BANK1: variants seen among roughly 807,000 people sequenced by gnomAD.
BANK1 encodes the protein B-cell scaffold protein with ankyrin repeats.
A neutral mutation model predicts 94.5 loss-of-function variants in BANK1; 95 were observed. The observed-to-expected ratio is 1.00, with a 90% CI of 0.85 to 1.19. The LOEUF (loss-of-function observed/expected upper bound fraction) is 1.19. BANK1 is among the 50% of genes most tolerant of loss of function. BANK1 has a pLI of 0.00. For synonymous variants in BANK1, 334 were observed against 308.4 expected (o/e 1.08, Z -0.87); for missense variants, 987 against 932.2 (o/e 1.06, Z -0.77).
At chr4:102,032,189 A>G (rs1419087925) in intron 10 of BANK1, 1 of 152,224 alleles carries the variant, frequency 6.6e-6, no homozygotes, top group African/African-American at 2.4e-5. Flanking sequence ...GTTATACTCT[A>G]GAAATTTTTG....
At chr4:101,804,034 TA>T (rs74747167) in intron 1 of BANK1, among the ~76,000 whole-genome samples, 35,785 of 122,082 alleles carry the variant, frequency 0.29, 5,032 homozygotes, top group Non-Finnish European at 0.35. Context: ...AAGAAATATA[TA>T]AAAAAAAGAA....
At chr4:101,812,441 A>G (rs1316752824) in intron 1 of BANK1, among the ~76,000 whole-genome samples, 1 of 151,972 alleles carries the variant, frequency 6.6e-6, no homozygotes, top group Non-Finnish European at 1.5e-5. Context: ...ATTTCTCTAC[A>G]CTATATTTAA....
chr4:101,803,872 C>T (rs1725445385), intron 1 of BANK1, among the ~76,000 whole-genome samples: 1 of 148,600 alleles, frequency 6.7e-6, no homozygotes, highest in Non-Finnish European at 1.5e-5. Context: ...GTGGCGGGCG[C>T]CTGTAGTCCC....
At chr4:101,894,721 T>C (rs901682181) in intron 5 of BANK1, among the ~76,000 whole-genome samples, 2 of 151,952 alleles carry the variant, frequency 1.3e-5, no homozygotes, top group Non-Finnish European at 2.9e-5. Flanking sequence ...TCATGGGCAG[T>C]AGAACACTTG....
At chr4:102,006,423 A>G (rs1296310294) in intron 7 of BANK1, among the ~76,000 whole-genome samples, 3 of 151,978 alleles carry the variant, frequency 2.0e-5, no homozygotes, top group Middle Eastern at 3.2e-3. Flanking sequence ...AGCTCCCCAC[A>G]TAAATTTAAT....
chr4:101,881,456 A>T lies in BANK1; in HGVS notation c.903+10812A>T, dbSNP rs531888514. Among the ~76,000 whole-genome samples, 12 of 152,032 alleles carry T rather than the reference A, an allele frequency of 7.9e-5. No homozygotes were observed. The South Asian group carries it at 1.4e-3, about 18-fold the overall frequency. ...CAAATGCTGGTGAGGATGTGGAGAA[A>T]ACTGTTTGTCGGAAAGTAAATTAGT... is the stretch of plus-strand genomic sequence containing the variant. On this transcript the variant is annotated intron_variant, in intron 5 of 16. Transcript: ENST00000322953.
chr4:101,868,962 A>G (rs1025887673), intron 4 of BANK1, among the ~76,000 whole-genome samples: 28 of 151,920 alleles, frequency 1.8e-4, no homozygotes, highest in African/African-American at 3.9e-4. Context: ...TAAAATCGAC[A>G]TCATTATCGG....
chr4:101,869,454 T>C (rs778226017), intron 4 of BANK1, among the ~76,000 whole-genome samples: 9 of 151,828 alleles, frequency 5.9e-5, no homozygotes, highest in Non-Finnish European at 1.0e-4. Flanking sequence ...TGCATCTTCT[T>C]TGTAATACAG....
intron 5 of BANK1, among the ~76,000 whole-genome samples, chr4:101,886,414 A>G (rs1728857698): frequency 6.6e-6 from 1 of 152,180 alleles, no homozygotes; most frequent in South Asian, 2.1e-4. Flanking sequence ...ATAACTTGGA[A>G]CCTGGCTCCC....
intron 6 of BANK1, 53 bp from the exon 7 acceptor site, chr4:101,917,940 G>T: frequency 7.4e-7 from 1 of 1,348,356 alleles, no homozygotes; most frequent in Non-Finnish European, 1.0e-6. Flanking sequence ...ACCTTTTAAT[G>T]AGATTGCCAA....
At chr4:101,801,557 G>A (rs1725357380) in intron 1 of BANK1, among the ~76,000 whole-genome samples, 1 of 152,210 alleles carries the variant, frequency 6.6e-6, no homozygotes, top group Non-Finnish European at 1.5e-5. Context: ...TCCTCCAGCA[G>A]TTGAGAGAGA....
rs953231366 is a variant in BANK1, at chr4:102,039,814, G to A, written c.1901-4025G>A. Among the ~76,000 whole-genome samples the A allele has an allele frequency of 2.7e-4, 41 of 152,114 alleles. No individual in the cohort carries two copies. The Middle Eastern group carries it at 0.01, about 38-fold the overall frequency. On this transcript the variant is annotated intron_variant, in intron 10 of 16. Coordinates refer to ENST00000322953, the MANE Select transcript of BANK1 (RefSeq NM_017935.5). Reference sequence around the variant, plus strand: ...AAACACACTGCTACCATCCTGTACTGCATCATCCCCTGAAAGCCCAGAGCA... The same window carrying A: ...AAACACACTGCTACCATCCTGTACTACATCATCCCCTGAAAGCCCAGAGCA...
intron 5 of BANK1, among the ~76,000 whole-genome samples, 183 bp from the exon 6 acceptor site, chr4:101,895,122 C>G (rs1268489649): frequency 6.6e-6 from 1 of 151,598 alleles, no homozygotes; most frequent in East Asian, 1.9e-4. Flanking sequence ...TTTCTGTTAT[C>G]TTAGTAATTG....
chr4:101,819,479 CT>C (rs1726055831), intron 1 of BANK1, among the ~76,000 whole-genome samples: 1 of 152,070 alleles, frequency 6.6e-6, no homozygotes, highest in Admixed American at 6.6e-5. Flanking sequence ...GATATAGAAC[CT>C]TCATAGGCTA....
chr4:101,792,441 TTGTGTGTG>T (rs143434251), intron 1 of BANK1, among the ~76,000 whole-genome samples: 101 of 136,804 alleles, frequency 7.4e-4, no homozygotes, highest in African/African-American at 2.6e-3. Flanking sequence ...ATCCAGTGGT[TTGTGTGTG>T]TGTGTGTGTG....
At chr4:102,073,017 A>C (rs1728807706) in intron 15 of BANK1, among the ~76,000 whole-genome samples, 1 of 152,100 alleles carries the variant, frequency 6.6e-6, no homozygotes, top group African/African-American at 2.4e-5. Flanking sequence ...GTCATGTAGC[A>C]GCTGGATTTC....
At chr4:102,046,595 A>G (rs920440635) in intron 11 of BANK1, among the ~76,000 whole-genome samples, 1 of 152,134 alleles carries the variant, frequency 6.6e-6, no homozygotes, top group Non-Finnish European at 1.5e-5. Context: ...TGAGTTTTCT[A>G]TGGTTTGCAC....
intron 1 of BANK1, among the ~76,000 whole-genome samples, chr4:101,823,626 T>A (rs933257700): frequency 6.6e-6 from 1 of 152,200 alleles, no homozygotes; most frequent in African/African-American, 2.4e-5. Context: ...ATTTTCAGTT[T>A]ATATATCCAG....
chr4:101,973,602 AT>A (rs1725027772), intron 7 of BANK1, among the ~76,000 whole-genome samples: 1 of 152,008 alleles, frequency 6.6e-6, no homozygotes, highest in African/African-American at 2.4e-5. Context: ...GAAATGCTAA[AT>A]TTTCCTCTAA....
Sources: allele counts gnomAD v4.1 joint callset (sites outside exome capture counted in the v4.1 genomes callset), GRCh38; gene constraint gnomAD v4.1.1; transcripts MANE v1.5; gene names NCBI Gene and HGNC (gene_info 2026-07-23, HGNC 2026-07-21).